The following RET variants were observed in gnomAD, a reference collection of about 807,000 sequenced individuals.
RET encodes the protein ret proto-oncogene, also known as proto-oncogene tyrosine-protein kinase receptor Ret.
A neutral mutation model predicts 118.3 loss-of-function variants in RET; 19 were observed. The ratio of observed to expected loss-of-function variants is 0.16; its 90% CI spans 0.11 to 0.24. The LOEUF is 0.24. Among genes scored for constraint, RET ranks in the 10% least tolerant of loss-of-function variants. RET has a pLI of 1.00. For missense variants in RET, 1,219 were observed against 1,502.1 expected, an observed-to-expected ratio of 0.81 and a Z score of 3.12; for synonymous variants, 597 against 644.1, an observed-to-expected ratio of 0.93 and a Z score of 1.11.
At chr10:43,118,701 C>T (rs1838133036) in intron 13 of RET, among the ~76,000 whole-genome samples, 1 of 152,272 alleles carries the variant, frequency 6.6e-6, no homozygotes, top group Non-Finnish European at 1.5e-5. Context: ...GCGCTAGCGG[C>T]ACTCCCTGGG....
intron 9 of RET, 46 bp from the exon 10 acceptor site, chr10:43,113,510 G>A (rs1214985686): frequency 6.4e-7 from 1 of 1,566,652 alleles, no homozygotes; most frequent in Non-Finnish European, 8.6e-7. Flanking sequence ...GGCGCCTGGG[G>A]TGGTCAGGCG....
intron 5 of RET, among the ~76,000 whole-genome samples, chr10:43,107,735 T>C (rs541178403): frequency 1.3e-5 from 2 of 152,114 alleles, no homozygotes; most frequent in African/African-American, 4.8e-5. Context: ...TCCAAGGTGG[T>C]GGAGTTACAG....
chr10:43,100,857 G>A (rs1837628499), intron 2 of RET, 135 bp downstream of exon 2: 1 of 1,017,294 alleles, frequency 9.8e-7, no homozygotes, highest in Non-Finnish European at 1.5e-6. Flanking sequence ...CAGGGGTTAA[G>A]TGAGGCTGGC....
At chr10:43,123,509 C>T (rs1160762127) in intron 16 of RET, among the ~76,000 whole-genome samples, 162 bp from the exon 17 acceptor site, 2 of 152,178 alleles carry the variant, frequency 1.3e-5, no homozygotes, top group Non-Finnish European at 2.9e-5. Context: ...CTTCATGCTA[C>T]ATCCATCTGA....
At chr10:43,097,728 C>T (rs986792360) in intron 1 of RET, among the ~76,000 whole-genome samples, 1 of 152,204 alleles carries the variant, frequency 6.6e-6, no homozygotes, top group African/African-American at 2.4e-5. Flanking sequence ...TCTATTTTCC[C>T]ACTGTGGGAC....
intron 1 of RET, among the ~76,000 whole-genome samples, chr10:43,079,264 C>A (rs1049189446): frequency 1.3e-5 from 2 of 152,110 alleles, no homozygotes; most frequent in Non-Finnish European, 2.9e-5. Context: ...ACATGCACAG[C>A]GTGGTTCCTT....
In RET at chr10:43,106,629, T is replaced by C; in HGVS notation, c.1063+58T>C. The stretch of plus-strand genomic sequence containing the variant: ...CCCCCAGGAAATGAGGTGCTCGCTC[T>C]TCATGGGCAAGCAGCACCCTACACA... On this transcript the variant is annotated intron_variant, in intron 5 of 19. Coordinates refer to ENST00000355710, the MANE Select transcript of RET (RefSeq NM_020975.6). This position sits in a 1 kb window ranked among gnomAD's most constrained non-coding sequence, Gnocchi z 5.1. 1.3e-6 allele frequency: 2 copies of C among 1,554,142 alleles called. No individual in the cohort carries two copies. The highest frequency in any genetic ancestry group is 1.8e-6 in the Non-Finnish European group (2 of 1,136,644).
intron 19 of RET, among the ~76,000 whole-genome samples, chr10:43,127,703 T>C (rs1838366056): frequency 2.0e-5 from 3 of 152,174 alleles, no homozygotes; most frequent in Admixed American, 2.0e-4. Context: ...GGTCCTCTTC[T>C]CCGTTGTAGG....
intron 19 of RET, chr10:43,127,596 T>C (rs1487359684): frequency 8.0e-6 from 4 of 501,942 alleles, no homozygotes; most frequent in Non-Finnish European, 1.1e-5. Context: ...GCATGCCTCC[T>C]GACTCACTGA....
Position 43,099,249 on chromosome 10 carries a change from C to T in RET, c.74-1210C>T, listed in dbSNP as rs961563969. On this transcript the variant is annotated intron_variant, in intron 1 of 19. Transcript: ENST00000355710. The stretch of plus-strand genomic sequence containing the variant: ...GATAGGCCGGGCACGGTGGCTCATA[C>T]CTGTAATCCCAGCACTTTGGGAGGC... 7.9e-5 allele frequency among the ~76,000 whole-genome samples: 12 copies of T among 152,260 alleles called. No homozygotes were observed. In the East Asian group the frequency reaches 2.1e-3, roughly 27 times the overall value.
At position 43,114,861 on chromosome 10, in the gene RET, G is replaced by A. The variant is rs965905231; in HGVS notation, c.2136+125G>A. On this transcript the variant is annotated intron_variant, in intron 11 of 19. Coordinates refer to ENST00000355710, the MANE Select transcript of RET (RefSeq NM_020975.6). This position sits in a 1 kb window ranked among gnomAD's most constrained non-coding sequence, Gnocchi z 4.6. ...TGCCAACGCTGGGCAGACGAGGCCT[G>A]TGTTCTGCCCCCATTTCCATAGGGC... The A allele has an allele frequency of 8.5e-6, 9 of 1,056,322 alleles. No individual in the cohort carries two copies. The highest frequency in any genetic ancestry group is 2.6e-5 in the Admixed American group (1 of 38,418). The allele number at this position is 1,056,322 out of a possible 1,614,324, so 65.4% of individuals were successfully genotyped here.
In RET at chr10:43,123,768, G is replaced by A. The variant is rs777007074; in HGVS notation, c.2899G>A (p.Gly967Ser). 23 of 1,614,150 alleles carry A rather than the reference G, an allele frequency of 1.4e-5. No individual in the cohort carries two copies. The highest frequency in any genetic ancestry group is 1.9e-5 in the Non-Finnish European group (22 of 1,180,038). ...GCGGCTCTTCAACCTTCTGAAGACC[G>A]GCCACCGGATGGAGAGGCCAGACAA... ...PERLFNLLKT[G>S]HRMERPDNCS... is the part of the protein sequence containing the mutation. Residue 967 changes from glycine (G) to serine (S), a missense_variant, in exon 17 of 20, where the codon GGC (glycine) becomes AGC (serine). By Grantham distance (56) the Gly-to-Ser change is moderately conservative. Coordinates refer to ENST00000355710, the MANE Select transcript of RET (RefSeq NM_020975.6).
chr10:43,112,346 TC>T, intron 8 of RET, 122 bp downstream of exon 8: 1 of 1,423,930 alleles, frequency 7.0e-7, no homozygotes, highest in Non-Finnish European at 9.6e-7. Flanking sequence ...TGGCACCTCA[TC>T]CCCCATGTGG....
chr10:43,106,995 A>C lies in RET; in HGVS notation c.1063+424A>C, dbSNP rs543240499. Among the ~76,000 whole-genome samples the C allele has an allele frequency of 6.6e-6, 1 of 152,360 alleles. No homozygotes were observed. The highest frequency in any genetic ancestry group is 1.5e-5 in the Non-Finnish European group (1 of 68,036). On this transcript the variant is annotated intron_variant, in intron 5 of 19. Transcript: ENST00000355710. The surrounding 1 kb of genome is among the most constrained non-coding windows in gnomAD (Gnocchi z 5.1). ...GCTAAACAGGCTGGTGTACAGAAGC[A>C]GCCCCGAGCCAGGTCAGGGCTTCTG... is the stretch of plus-strand genomic sequence containing the variant.
intron 1 of RET, among the ~76,000 whole-genome samples, chr10:43,090,034 G>A (rs1186001029): frequency 6.6e-6 from 1 of 152,236 alleles, no homozygotes; most frequent in Non-Finnish European, 1.5e-5. Context: ...GAGCACCAGG[G>A]CCCGGAGTGA....
At chr10:43,104,108 A>G (rs1293585999) in intron 3 of RET, among the ~76,000 whole-genome samples, 1 of 152,242 alleles carries the variant, frequency 6.6e-6, no homozygotes, top group Non-Finnish European at 1.5e-5. Flanking sequence ...GAGGATGACC[A>G]GCCTGGCGAC....
rs2133051582 is a variant in RET, at chr10:43,128,472, C to G, written c.*203C>G. 3 of 646,864 alleles carry G rather than the reference C, an allele frequency of 4.6e-6. No individual in the cohort carries two copies. The East Asian group carries it at 8.3e-5, about 18-fold the overall frequency. The allele number at this position is 646,864 out of a possible 1,614,324, so 40.1% of individuals were successfully genotyped here. ...GTGATTTTCCCTCCTAGCAGACATG[C>G]CACACCGGGTAAGAGCTCTGAGTCT... On this transcript the variant is annotated 3_prime_UTR_variant, in exon 20 of 20. Coordinates refer to ENST00000355710, the MANE Select transcript of RET (RefSeq NM_020975.6).
At position 43,084,156 on chromosome 10, in the gene RET, G is replaced by A. The variant is rs1452645908; in HGVS notation, c.73+6825G>A. Among the ~76,000 whole-genome samples the A allele has an allele frequency of 2.6e-5, 4 of 152,200 alleles. No homozygotes were observed. In the South Asian group the frequency reaches 6.2e-4, roughly 24 times the overall value. The stretch of plus-strand genomic sequence containing the variant: ...GACACGTGGGTGCTTTCCACCTTTT[G>A]GCAGTTATGAAAAATGCTGCCAGGG... On this transcript the variant is annotated intron_variant, in intron 1 of 19. Transcript: ENST00000355710.
intron 3 of RET, 56 bp downstream of exon 3, chr10:43,102,685 C>T (rs2132685535): frequency 6.2e-7 from 1 of 1,603,676 alleles, no homozygotes; most frequent in Non-Finnish European, 8.5e-7. Flanking sequence ...TGGTCTTGCT[C>T]TGCGAGCCCT....
Sources: allele counts gnomAD v4.1 joint callset (sites outside exome capture counted in the v4.1 genomes callset), GRCh38; gene constraint gnomAD v4.1.1; non-coding constraint Gnocchi (gnomAD v3.1); transcripts MANE v1.5; gene names NCBI Gene and HGNC (gene_info 2026-07-23, HGNC 2026-07-21).